The following FGD3 variants were observed in gnomAD, a reference collection of about 807,000 sequenced individuals.
FGD3 encodes the protein FYVE, RhoGEF and PH domain containing 3, also known as FYVE, RhoGEF and PH domain-containing protein 3.
Under a neutral mutation model 71.8 loss-of-function variants are expected in FGD3, and 45 were observed. The ratio of observed to expected loss-of-function variants is 0.63; its 90% CI spans 0.49 to 0.80. The LOEUF (loss-of-function observed/expected upper bound fraction) is 0.80, where lower values mean the gene tolerates loss of function less well. FGD3 is among the 30% of genes least tolerant of loss of function. The pLI is 0.00. For missense variants in FGD3, 844 were observed against 951.5 expected, an observed-to-expected ratio of 0.89 and a Z score of 1.49; for synonymous variants, 378 against 392.8, an observed-to-expected ratio of 0.96 and a Z score of 0.44.
chr9:93,012,599 A>G (rs1015603506), intron 8 of FGD3, among the ~76,000 whole-genome samples: 11 of 151,662 alleles, frequency 7.3e-5, no homozygotes, highest in Admixed American at 6.6e-4. Context: ...AGCATGGCCA[A>G]CATGGTGAAA....
intron 3 of FGD3, among the ~76,000 whole-genome samples, chr9:92,997,079 A>G (rs1860676199): frequency 6.6e-6 from 1 of 152,210 alleles, no homozygotes; most frequent in Non-Finnish European, 1.5e-5. Context: ...GTGGGGTGTT[A>G]AAGTCTCCCA....
At chr9:93,017,737 C>G (rs1861755500) in intron 10 of FGD3, among the ~76,000 whole-genome samples, 1 of 152,224 alleles carries the variant, frequency 6.6e-6, no homozygotes, top group Non-Finnish European at 1.5e-5. Context: ...CATCAGATCC[C>G]TTTCCATCCT....
intron 9 of FGD3, 45 bp downstream of exon 9, chr9:93,014,043 A>G: frequency 6.4e-7 from 1 of 1,569,504 alleles, no homozygotes; most frequent in Non-Finnish European, 8.6e-7. Flanking sequence ...CTCCCTTGCC[A>G]TTTGCCTCAA....
rs749111598 is a variant in FGD3 at position 92,989,295 on chromosome 9, C to T, written c.453+12586C>T. 8.5e-4 allele frequency among the ~76,000 whole-genome samples: 130 copies of T among 152,280 alleles called. 1 individual carries two copies. The highest frequency in any genetic ancestry group is 5.3e-4 in the Non-Finnish European group (36 of 68,020). ...TGATCTCCTGACCTCGAGATCCACC[C>T]GCCTCAGCCTCCCAAAGTGCTGGGA... On this transcript the variant is annotated intron_variant, in intron 3 of 17. Transcript: ENST00000375482.
chr9:92,949,459 C>G lies in FGD3; in HGVS notation c.-218+1730C>G, dbSNP rs865945730. Among the ~76,000 whole-genome samples the G allele has an allele frequency of 3.9e-5, 6 of 152,204 alleles. No homozygotes were observed. The South Asian group carries it at 1.2e-3, about 32-fold the overall frequency. On this transcript the variant is annotated intron_variant, in intron 1 of 17. Transcript: ENST00000375482. ...CTATGGGGACATGTGGGCCCATTTC[C>G]TCATCATCCCTGCGTGTCCCTTCCC...
At chr9:92,991,465 A>G (rs1018360430) in intron 3 of FGD3, among the ~76,000 whole-genome samples, 8 of 152,238 alleles carry the variant, frequency 5.3e-5, no homozygotes, top group Admixed American at 2.6e-4. Context: ...ATAGCTTTGA[A>G]TGTTTCTCTT....
At chr9:92,972,327 CT>C (rs1345197066) in intron 1 of FGD3, among the ~76,000 whole-genome samples, 1 of 151,774 alleles carries the variant, frequency 6.6e-6, no homozygotes, top group Non-Finnish European at 1.5e-5. Flanking sequence ...TGGTGGGTGC[CT>C]GTAATCCCAG....
chr9:93,006,324 A>G (rs1472204264), intron 6 of FGD3, 144 bp downstream of exon 6: 4 of 858,552 alleles, frequency 4.7e-6, no homozygotes, highest in Non-Finnish European at 4.8e-6. Flanking sequence ...ACATAGAGAA[A>G]ATTAGGAAAA....
chr9:93,019,941 G>A, intron 12 of FGD3, 80 bp downstream of exon 12: 1 of 1,512,466 alleles, frequency 6.6e-7, no homozygotes, highest in South Asian at 1.1e-5. Context: ...TCAGAGGGTG[G>A]GGGCCCTGGC....
In FGD3 at chr9:93,018,874, C is replaced by T. The variant is rs149871278; in HGVS notation, c.1355+659C>T. Among the ~76,000 whole-genome samples the T allele has an allele frequency of 1.8e-3, 271 of 152,132 alleles. 5 individuals carry two copies. In the East Asian group the frequency reaches 0.043, roughly 24 times the overall value. On this transcript the variant is annotated intron_variant, in intron 11 of 17. Transcript: ENST00000375482. ...CGATTTTCTTTTCTTTTTTTTGAGACGGAGTTTCGCTCCCAGGCTGGAGTG... is the reference window on the plus strand; with the variant it reads ...CGATTTTCTTTTCTTTTTTTTGAGATGGAGTTTCGCTCCCAGGCTGGAGTG...
At position 93,010,391 on chromosome 9, in the gene FGD3, T is replaced by C; in HGVS notation, c.976+7T>C. 1.9e-6 allele frequency: 3 copies of C among 1,601,552 alleles called. No homozygotes were observed. The highest frequency in any genetic ancestry group is 2.6e-6 in the Non-Finnish European group (3 of 1,171,214). Reference sequence around the variant, plus strand: ...GACCGGAAGGATGCGGAGAGTGAGCTGGGGCCAAGGGCTCCCAGGAGGGTG... The same window carrying C: ...GACCGGAAGGATGCGGAGAGTGAGCCGGGGCCAAGGGCTCCCAGGAGGGTG... On this transcript the variant is annotated splice_region_variant and intron_variant, in intron 7 of 17. Coordinates refer to ENST00000375482, the MANE Select transcript of FGD3 (RefSeq NM_001083536.2).
intron 1 of FGD3, among the ~76,000 whole-genome samples, chr9:92,955,383 A>G (rs1298669873): frequency 6.6e-6 from 1 of 152,126 alleles, no homozygotes. Context: ...AAAAAAATAC[A>G]AAATTAGCCA....
chr9:93,019,185 T>C (rs1311734092), intron 11 of FGD3, among the ~76,000 whole-genome samples: 1 of 152,186 alleles, frequency 6.6e-6, no homozygotes, highest in Non-Finnish European at 1.5e-5. Context: ...CACATATATC[T>C]ATGTTTTAAA....
intron 15 of FGD3, among the ~76,000 whole-genome samples, chr9:93,031,578 T>C (rs1329773400): frequency 1.3e-5 from 2 of 152,090 alleles, no homozygotes; most frequent in Non-Finnish European, 2.9e-5. Context: ...AAAATGCTCA[T>C]AAAAGGAGGA....
At chr9:92,960,345 C>G (rs1363280868) in intron 1 of FGD3, among the ~76,000 whole-genome samples, 1 of 152,092 alleles carries the variant, frequency 6.6e-6, no homozygotes, top group African/African-American at 2.4e-5. Context: ...CTCATTCCCC[C>G]ATGAGGACCC....
intron 3 of FGD3, among the ~76,000 whole-genome samples, chr9:92,998,238 C>T (rs1472350776): frequency 6.6e-6 from 1 of 152,128 alleles, no homozygotes; most frequent in African/African-American, 2.4e-5. Context: ...ATCACTGATA[C>T]CCTTTCTTCC....
chr9:92,960,706 C>A lies in FGD3; in HGVS notation c.-218+12977C>A, dbSNP rs1256520242. Among the ~76,000 whole-genome samples the A allele has an allele frequency of 3.9e-5, 6 of 152,124 alleles. No homozygotes were observed. The East Asian group carries it at 1.2e-3, about 29-fold the overall frequency. ...CTGTTCCTTGTAGTCAGATGGGGAGCACTCACCCACCAGGACAGAGGCCCA... is the reference window on the plus strand; with the variant it reads ...CTGTTCCTTGTAGTCAGATGGGGAGAACTCACCCACCAGGACAGAGGCCCA... On this transcript the variant is annotated intron_variant, in intron 1 of 17. Coordinates refer to ENST00000375482, the MANE Select transcript of FGD3 (RefSeq NM_001083536.2).
intron 1 of FGD3, among the ~76,000 whole-genome samples, chr9:92,965,641 C>A (rs1377111262): frequency 6.6e-6 from 1 of 152,224 alleles, no homozygotes; most frequent in South Asian, 2.1e-4. Context: ...GGCCTGCAGC[C>A]GTGTTGTACA....
At chr9:93,034,713 C>T in intron 17 of FGD3, 32 bp downstream of exon 17, 2 of 1,601,062 alleles carry the variant, frequency 1.2e-6, no homozygotes, top group East Asian at 4.5e-5. Flanking sequence ...GGCCCTCAGG[C>T]CAGCAGCCCA....
Sources: gnomAD v4.1 joint callset for allele counts (sites outside exome capture counted in the v4.1 genomes callset) on GRCh38, gnomAD v4.1.1 for gene constraint, MANE v1.5 for transcripts, NCBI Gene and HGNC (gene_info 2026-07-23, HGNC 2026-07-21) for gene names.